The following MTRR variants were observed in gnomAD, a reference collection of about 807,000 sequenced individuals.
MTRR encodes 5-methyltetrahydrofolate-homocysteine methyltransferase reductase.
Under a neutral mutation model 79.2 loss-of-function variants are expected in MTRR, and 63 were observed. That is an observed-to-expected ratio of 0.80 (90% CI 0.65 to 0.98). MTRR has a LOEUF of 0.98. Ranked by LOEUF, MTRR falls within the 50% of genes least tolerant of loss-of-function variation. The probability of loss-of-function intolerance (pLI) is 0.00; values close to 1 mark genes in which losing one functional copy is unlikely to be tolerated. For missense variants in MTRR, 895 were observed against 839.6 expected, an observed-to-expected ratio of 1.07 and a Z score of -0.82; for synonymous variants, 355 against 313.3, an observed-to-expected ratio of 1.13 and a Z score of -1.41.
At chr5:7,869,257 C>A in intron 1 of MTRR, 42 bp downstream of exon 1, 1 of 1,597,266 alleles carries the variant, frequency 6.3e-7, no homozygotes, top group Non-Finnish European at 8.5e-7. Context: ...TCCGGCCGCT[C>A]GCCCTGCACT....
At chr5:7,858,980 A>G (rs1039151074) in intron 1 of MTRR, among the ~76,000 whole-genome samples, 1 of 152,158 alleles carries the variant, frequency 6.6e-6, no homozygotes, top group East Asian at 1.9e-4. Flanking sequence ...TTGTTTCTGC[A>G]TAATTCTATA....
intron 14 of MTRR, among the ~76,000 whole-genome samples, chr5:7,898,205 T>C (rs1428898315): frequency 2.6e-5 from 4 of 152,212 alleles, no homozygotes; most frequent in African/African-American, 4.8e-5. Flanking sequence ...GGTTTACATT[T>C]TCCTTCGCTT....
chr5:7,863,454 G>C (rs1746697103), intron 2 of MTRR, among the ~76,000 whole-genome samples: 1 of 152,182 alleles, frequency 6.6e-6, no homozygotes, highest in African/African-American at 2.4e-5. Context: ...TTTAAGCACA[G>C]ACAGGCTGCT....
chr5:7,875,300 A>T lies in MTRR; in HGVS notation c.326A>T (p.Lys109Met), dbSNP rs751657876. 1 of 1,614,036 alleles carries T rather than the reference A, an allele frequency of 6.2e-7. No individual in the cohort carries two copies. Among genetic ancestry groups the T allele is most frequent in the Non-Finnish European group, 8.5e-7 (1 of 1,179,954 alleles). Residue 109 changes from lysine (K) to methionine (M), a missense_variant, in exon 4 of 15, where the codon AAG becomes ATG. Lys to Met is a moderately conservative substitution (Grantham distance 95). Transcript: ENST00000440940. Reference protein sequence around the residue: ...SEYTYFCNGGKIIDKRLQELG... With the variant: ...SEYTYFCNGGMIIDKRLQELG... ...TACACCTACTTTTGCAATGGGGGGA[A>T]GATAATTGATAAACGACTTCAAGAG... is the stretch of plus-strand genomic sequence containing the variant.
chr5:7,868,986 T>C (rs1326835457), upstream of MTRR: 10 of 907,910 alleles, frequency 1.1e-5, no homozygotes, highest in African/African-American at 1.5e-4. Flanking sequence ...TACCGCGCTC[T>C]GCCGGGCAAT....
intron 11 of MTRR, among the ~76,000 whole-genome samples, chr5:7,895,243 A>G (rs1481834608): frequency 6.6e-6 from 1 of 152,228 alleles, no homozygotes; most frequent in Admixed American, 6.5e-5. Flanking sequence ...ATTCTGGGTA[A>G]TATTGGACCC....
upstream of MTRR, chr5:7,867,302 C>A: frequency 6.2e-7 from 1 of 1,613,768 alleles, no homozygotes; most frequent in South Asian, 1.1e-5. Context: ...CTGCAAGATT[C>A]TATAAAGGGC....
At chr5:7,861,832 G>A in intron 1 of MTRR, 1 of 1,276,812 alleles carries the variant, frequency 7.8e-7, no homozygotes, top group African/African-American at 1.5e-5. Flanking sequence ...TTGGCTTTAT[G>A]ATCAATCAAG....
At position 7,885,954 on chromosome 5, in the gene MTRR, C is replaced by T. The variant is rs1056463986; in HGVS notation, c.1057+100C>T. 157 of 1,486,852 alleles carry T rather than the reference C, an allele frequency of 1.1e-4. No homozygotes were observed. In the African/African-American group the frequency reaches 1.1e-3, roughly 10 times the overall value. 92.1% of individuals were successfully genotyped at this position (1,486,852 alleles called of 1,614,324 possible). A position where few individuals can be genotyped will look rare whatever the true frequency, so the allele number is the denominator to read the frequency against. On this transcript the variant is annotated intron_variant, in intron 7 of 14. Coordinates refer to ENST00000440940, the MANE Select transcript of MTRR (RefSeq NM_002454.3). Reference sequence around the variant, plus strand: ...AAGGTTCAGGGTCCTGTGTGTTGGCCGCACAGATGCCTGGGGCTCAGCTGC... The same window carrying T: ...AAGGTTCAGGGTCCTGTGTGTTGGCTGCACAGATGCCTGGGGCTCAGCTGC...
chr5:7,882,847 G>C (rs540745354), intron 5 of MTRR, among the ~76,000 whole-genome samples: 1 of 152,244 alleles, frequency 6.6e-6, no homozygotes, highest in South Asian at 2.1e-4. Context: ...AACATTTGCA[G>C]ACATTCTGTT....
At position 7,873,493 on chromosome 5, in the gene MTRR, G is replaced by T; in HGVS notation, c.250G>T (p.Asp84Tyr). ...AATACAGAACCAAACACTGCCGGTT[G>T]ATTTCTTTGCTCACCTGCGGTATGG... The part of the protein sequence containing the change: ...KEIQNQTLPV[D>Y]FFAHLRYGLL... The change falls in exon 3 of 15, where the codon GAT becomes TAT. Residue 84 changes from aspartate (D) to tyrosine (Y), a missense_variant. Physicochemically the swap from Asp to Tyr is radical, Grantham distance 160. Coordinates refer to ENST00000440940, the MANE Select transcript of MTRR (RefSeq NM_002454.3). 1 of 1,614,138 alleles carries T rather than the reference G, an allele frequency of 6.2e-7. No individual in the cohort carries two copies. Among genetic ancestry groups the T allele is most frequent in the South Asian group, 1.1e-5 (1 of 91,066 alleles).
chr5:7,895,191 G>T lies in MTRR; in HGVS notation c.1558-543G>T, dbSNP rs549797024. Among the ~76,000 whole-genome samples, 4 of 152,310 alleles carry T rather than the reference G, an allele frequency of 2.6e-5. No homozygotes were observed. The South Asian group carries it at 6.2e-4, about 24-fold the overall frequency. On this transcript the variant is annotated intron_variant, in intron 11 of 14. Coordinates refer to ENST00000440940, the MANE Select transcript of MTRR (RefSeq NM_002454.3). Reference sequence around the variant, plus strand: ...ATATCTTTTGAAATTTTAACAAAAAGATTTTGATAATTATATGATTTGTTT... The same window carrying T: ...ATATCTTTTGAAATTTTAACAAAAATATTTTGATAATTATATGATTTGTTT...
chr5:7,891,998 A>T (rs190280547), intron 10 of MTRR, among the ~76,000 whole-genome samples: 2,548 of 152,190 alleles, frequency 0.017, 33 homozygotes, highest in Non-Finnish European at 0.025. Context: ...GCCAAGATCG[A>T]GCCACTGCAC....
At chr5:7,874,974 A>G (rs1185078425) in intron 3 of MTRR, among the ~76,000 whole-genome samples, 7 of 152,150 alleles carry the variant, frequency 4.6e-5, no homozygotes, top group East Asian at 3.9e-4. Flanking sequence ...TAAGATTTCT[A>G]TATTTTTACA....
At chr5:7,876,840 C>T (rs1007036961) in intron 4 of MTRR, among the ~76,000 whole-genome samples, 3 of 152,320 alleles carry the variant, frequency 2.0e-5, no homozygotes, top group Non-Finnish European at 4.4e-5. Flanking sequence ...GAGTGCCTGT[C>T]GTCATGTAGT....
At chr5:7,891,967 G>A (rs1260276558) in intron 10 of MTRR, among the ~76,000 whole-genome samples, 2 of 152,072 alleles carry the variant, frequency 1.3e-5, no homozygotes, top group Admixed American at 1.3e-4. Context: ...GCGTGAACCC[G>A]GGAGGCGGAG....
intron 1 of MTRR, chr5:7,861,868 T>C: frequency 9.7e-7 from 1 of 1,025,782 alleles, no homozygotes; most frequent in Non-Finnish European, 1.3e-6. Flanking sequence ...GAAAGCTCAA[T>C]AACGCTAAAC....
At chr5:7,867,648 C>G, upstream of MTRR, 1 of 1,614,212 alleles carries the variant, frequency 6.2e-7, no homozygotes, top group Non-Finnish European at 8.5e-7. Context: ...AGCCCTTGAT[C>G]ACCATCCTTT....
upstream of MTRR, chr5:7,850,936 C>G (rs766894516): frequency 2.2e-6 from 3 of 1,353,528 alleles, no homozygotes; most frequent in Non-Finnish European, 2.9e-6. Flanking sequence ...CGGGATGTAG[C>G]TGAAGGCGGA....
Sources: gnomAD v4.1 joint callset for allele counts (sites outside exome capture counted in the v4.1 genomes callset) on GRCh38, gnomAD v4.1.1 for gene constraint, MANE v1.5 for transcripts, NCBI Gene and HGNC (gene_info 2026-07-23, HGNC 2026-07-21) for gene names.